Variants in SHC2 observed in about 807,000 individuals in gnomAD.
The protein encoded by SHC2 is SHC-transforming protein 2.
SHC2 carries 62 observed loss-of-function variants against 60.6 expected under a neutral mutation model. That is an observed-to-expected ratio of 1.02 (90% CI 0.83 to 1.26). The LOEUF is 1.26. SHC2 is among the 50% of genes most tolerant of loss of function. SHC2 has a pLI of 0.00. For missense variants in SHC2, 873 were observed against 822.2 expected, an observed-to-expected ratio of 1.06 and a Z score of -0.76; for synonymous variants, 375 against 372.4, an observed-to-expected ratio of 1.01 and a Z score of -0.08.
At chr19:439,339 C>T (rs1974801342) in intron 2 of SHC2, 1 of 460,052 alleles carries the variant, frequency 2.2e-6, no homozygotes, top group African/African-American at 2.0e-5. Context: ...GCCCCTCTAC[C>T]ACCCTCTTTC....
intron 8 of SHC2, among the ~76,000 whole-genome samples, chr19:431,984 G>C (rs1974609610): frequency 7.9e-5 from 1 of 12,600 alleles, no homozygotes; most frequent in Admixed American, 7.6e-4. Context: ...GTGAGTGAGA[G>C]ATAGAGGAGG....
rs192627069 is a variant in SHC2 at position 452,320 on chromosome 19, G to A, written c.468+8209C>T. Among the ~76,000 whole-genome samples, 608 of 105,952 alleles carry A rather than the reference G, an allele frequency of 5.7e-3. 5 individuals carry two copies. The highest frequency in any genetic ancestry group is 0.037 in the East Asian group (133 of 3,552). The allele number at this position is 105,952 out of a possible 152,430, so 69.5% of individuals were successfully genotyped here. A position where few individuals can be genotyped will look rare whatever the true frequency, so the allele number is the denominator to read the frequency against. On this transcript the variant is annotated intron_variant, in intron 1 of 12. Coordinates refer to ENST00000264554, the MANE Select transcript of SHC2 (RefSeq NM_012435.3). ...CTGACTTGGGGGGAGTTCCTGCGTA[G>A]GTGTGCGTTTCTCCGTTTCATTGAG...
At chr19:454,114 C>T in intron 1 of SHC2, among the ~76,000 whole-genome samples, 1 of 152,214 alleles carries the variant, frequency 6.6e-6, no homozygotes, top group East Asian at 1.9e-4. Context: ...CCGAGCTGTC[C>T]AGCACGGCAG....
At chr19:430,535 A>G (rs1974556030) in intron 9 of SHC2, 149 bp downstream of exon 9, 1 of 647,608 alleles carries the variant, frequency 1.5e-6, no homozygotes. Context: ...GATGATGAAA[A>G]TCTCAGCAGA....
intron 1 of SHC2, among the ~76,000 whole-genome samples, chr19:451,072 G>A (rs117949963): frequency 0.059 from 8,089 of 137,444 alleles, 263 homozygotes; most frequent in African/African-American, 0.12. Flanking sequence ...TGGCCACGCC[G>A]TGGCCACGTC....
At position 438,867 on chromosome 19, in the gene SHC2, G is replaced by A. The variant is rs368573671; in HGVS notation, c.601-30C>T. 1.4e-5 allele frequency: 22 copies of A among 1,556,620 alleles called. No homozygotes were observed. Among genetic ancestry groups the A allele is most frequent in the South Asian group, 3.5e-5 (3 of 84,524 alleles). ...GTTGGGGGCGGAGCACAGCGAGGGC[G>A]GCTGTGGGTGGGGGCTGTCGAGGGG... On this transcript the variant is annotated intron_variant, in intron 3 of 12. Coordinates refer to ENST00000264554, the MANE Select transcript of SHC2 (RefSeq NM_012435.3). This position sits in a 1 kb window ranked among gnomAD's most constrained non-coding sequence, Gnocchi z 5.0.
chr19:426,029 C>CAAAAAA (rs1317631897), intron 9 of SHC2, among the ~76,000 whole-genome samples: 1 of 79,498 alleles, frequency 1.3e-5, no homozygotes, highest in African/African-American at 4.4e-5. Flanking sequence ...ACTCAGTCTC[C>CAAAAAA]AAAAAAAAAA....
At position 436,424 on chromosome 19, in the gene SHC2, G is replaced by A. The variant is rs370799539; in HGVS notation, c.782C>T (p.Thr261Met). ...CTTGGCGACGTAGGCCACGTAATCC[G>A]TCATGTCCTGGGGGCGGGGAGGGGC... ...SFASGGDTDM[T>M]DYVAYVAKDP... Residue 261 changes from threonine to methionine, a missense_variant, in exon 6 of 13, where the codon ACG becomes ATG. Physicochemically the swap from Thr to Met is moderately conservative, Grantham distance 81. Coordinates refer to ENST00000264554, the MANE Select transcript of SHC2 (RefSeq NM_012435.3). The A allele has an allele frequency of 9.8e-5, 157 of 1,601,270 alleles. No homozygotes were observed. The highest frequency in any genetic ancestry group is 5.0e-4 in the Middle Eastern group (3 of 5,962).
chr19:447,986 A>G (rs1280504963), intron 1 of SHC2, among the ~76,000 whole-genome samples: 3 of 152,226 alleles, frequency 2.0e-5, no homozygotes, highest in African/African-American at 7.2e-5. Context: ...CTGTCTCCCC[A>G]GATCACGTTC....
chr19:435,747 C>T (rs924029219), intron 7 of SHC2: 3 of 173,504 alleles, frequency 1.7e-5, no homozygotes, highest in South Asian at 1.6e-4. Flanking sequence ...TCATATTTTG[C>T]AACACGTGGC....
At position 460,900 on chromosome 19, in the gene SHC2, G is replaced by C; in HGVS notation, c.97C>G (p.Pro33Ala). Residue 33 changes from proline to alanine, a missense_variant, in exon 1 of 13, where the codon CCG becomes GCG. Coordinates refer to ENST00000264554, the MANE Select transcript of SHC2 (RefSeq NM_012435.3). ...CCCGGGGCCGCGAACTTCCACTGCG[G>C]CATTCGGGGCAGCAACGCGCAGAAG... ...TTFCALLPRM[P>A]QWKFAAPGGF... 1 of 991,244 alleles carries C rather than the reference G, an allele frequency of 1.0e-6. No homozygotes were observed. Among genetic ancestry groups the C allele is most frequent in the Non-Finnish European group, 1.2e-6 (1 of 835,094 alleles). The allele number at this position is 991,244 out of a possible 1,614,324, so 61.4% of individuals were successfully genotyped here.
intron 11 of SHC2, 30 bp from the exon 12 acceptor site, chr19:419,086 C>CT (rs1211151599): frequency 2.6e-6 from 4 of 1,550,600 alleles, no homozygotes; most frequent in Non-Finnish European, 3.5e-6. Context: ...GCATCAGCTC[C>CT]CGGGAGCCCG....
chr19:455,290 C>T (rs1394483499), intron 1 of SHC2, among the ~76,000 whole-genome samples: 2 of 152,156 alleles, frequency 1.3e-5, no homozygotes, highest in African/African-American at 2.4e-5. Flanking sequence ...CTAAAGGCAT[C>T]GCGAGTGCCA....
Position 425,325 on chromosome 19 carries a change from C to A in SHC2, c.1175-94G>T. 6 of 1,071,946 alleles carry A rather than the reference C, an allele frequency of 5.6e-6. No homozygotes were observed. Among genetic ancestry groups the A allele is most frequent in the Non-Finnish European group, 7.2e-6 (6 of 834,146 alleles). The allele number at this position is 1,071,946 out of a possible 1,614,324, so 66.4% of individuals were successfully genotyped here. On this transcript the variant is annotated intron_variant, in intron 9 of 12. Coordinates refer to ENST00000264554, the MANE Select transcript of SHC2 (RefSeq NM_012435.3). This position sits in a 1 kb window ranked among gnomAD's most constrained non-coding sequence, Gnocchi z 4.1. ...GGGTCCCACGAGGAGCTCCCCCGGC[C>A]ACCACCTGTGCTGCTGGCTGCAGGG...
Position 441,194 on chromosome 19 carries a change from G to T in SHC2, c.469-262C>A. 1.0e-6 allele frequency: 1 copy of T among 983,386 alleles called. No individual in the cohort carries two copies. Among genetic ancestry groups the T allele is most frequent in the Non-Finnish European group, 1.2e-6 (1 of 828,612 alleles). The allele number at this position is 983,386 out of a possible 1,614,324, so 60.9% of individuals were successfully genotyped here. On this transcript the variant is annotated intron_variant, in intron 1 of 12. Coordinates refer to ENST00000264554, the MANE Select transcript of SHC2 (RefSeq NM_012435.3). This position sits in a 1 kb window ranked among gnomAD's most constrained non-coding sequence, Gnocchi z 4.9. ...CTGGTGGTTCCCCCAGACGCTCTAT[G>T]CTGCTTGTTCATTTAACCGTCTTGC... is the stretch of plus-strand genomic sequence containing the variant.
Position 438,238 on chromosome 19 carries a change from CA to C in SHC2, c.720+479del, listed in dbSNP as rs1316372469. ...GTGATCTGCCCACCCCTCAGCCTCC[CA>C]AAGTGCTGGGGTTACAGGCGTGAGC... On this transcript the variant is annotated intron_variant, in intron 4 of 12. Transcript: ENST00000264554. This position sits in a 1 kb window ranked among gnomAD's most constrained non-coding sequence, Gnocchi z 5.0. 1.7e-4 allele frequency among the ~76,000 whole-genome samples: 26 copies of C among 152,356 alleles called. No individual in the cohort carries two copies. Among genetic ancestry groups the C allele is most frequent in the African/African-American group, 6.3e-4 (26 of 41,582 alleles).
rs1447772093 is a variant in SHC2 at position 422,020 on chromosome 19, C to T, written c.1620+126G>A. The T allele has an allele frequency of 9.9e-7, 1 of 1,008,996 alleles. No individual in the cohort carries two copies. Among genetic ancestry groups the T allele is most frequent in the African/African-American group, 1.7e-5 (1 of 59,802 alleles). The allele number at this position is 1,008,996 out of a possible 1,614,324, so 62.5% of individuals were successfully genotyped here. On this transcript the variant is annotated intron_variant, in intron 11 of 12. Transcript: ENST00000264554. This position sits in a 1 kb window ranked among gnomAD's most constrained non-coding sequence, Gnocchi z 5.0. ...TGGAAAGCTCCTGCATGCCCCGAGA[C>T]CCTCGAGACCCTTGAGACCCTCCCA...
rs1197280160 is a variant in SHC2 at position 425,717 on chromosome 19, G to C, written c.1175-486C>G. Among the ~76,000 whole-genome samples, 1 of 151,966 alleles carries C rather than the reference G, an allele frequency of 6.6e-6. No individual in the cohort carries two copies. Among genetic ancestry groups the C allele is most frequent in the Non-Finnish European group, 1.5e-5 (1 of 67,974 alleles). ...TTTTCCTTCCTTTCTTTTTTTAATT[G>C]TATTTTGAACGTGTAAAGTGTTTAC... is the stretch of plus-strand genomic sequence containing the variant. On this transcript the variant is annotated intron_variant, in intron 9 of 12. Coordinates refer to ENST00000264554, the MANE Select transcript of SHC2 (RefSeq NM_012435.3). The surrounding 1 kb of genome is among the most constrained non-coding windows in gnomAD (Gnocchi z 4.1).
rs374311675 is a variant in SHC2, at chr19:448,734, A to G, written c.469-7802T>C. ...CCTGCCAAAAACACAACCTCGACTC[A>G]ACTGCAGGCAAACACCAGGCAGACA... On this transcript the variant is annotated intron_variant, in intron 1 of 12. Transcript: ENST00000264554. Among the ~76,000 whole-genome samples, 5 of 152,280 alleles carry G rather than the reference A, an allele frequency of 3.3e-5. No homozygotes were observed. In the East Asian group the frequency reaches 9.6e-4, roughly 29 times the overall value.
Sources: allele counts gnomAD v4.1 joint callset (sites outside exome capture counted in the v4.1 genomes callset), GRCh38; gene constraint gnomAD v4.1.1; non-coding constraint Gnocchi (gnomAD v3.1); transcripts MANE v1.5; gene names NCBI Gene and HGNC (gene_info 2026-07-23, HGNC 2026-07-21).